The following SOAT1 variants were observed in gnomAD, a reference collection of about 807,000 sequenced individuals.
The protein encoded by SOAT1 is sterol O-acyltransferase 1.
A neutral mutation model predicts 69.5 loss-of-function variants in SOAT1; 55 were observed. The ratio of observed to expected loss-of-function variants is 0.79; its 90% CI spans 0.64 to 0.99. The LOEUF (loss-of-function observed/expected upper bound fraction) is 0.99. Ranked by LOEUF, SOAT1 falls within the 50% of genes least tolerant of loss-of-function variation. The pLI is 0.00. For synonymous variants in SOAT1, 231 were observed against 224.7 expected (o/e 1.03, Z -0.25); for missense variants, 580 against 669.3 (o/e 0.87, Z 1.47).
At chr1:179,335,699 G>GTA (rs749339940) in intron 4 of SOAT1, 42 bp downstream of exon 4, 1 of 1,541,264 alleles carries the variant, frequency 6.5e-7, no homozygotes, top group South Asian at 1.2e-5. Context: ...CATCTACTCA[G>GTA]TATAGTTCAA....
At chr1:179,350,039 T>G (rs1162485551) in intron 13 of SOAT1, among the ~76,000 whole-genome samples, 2 of 152,224 alleles carry the variant, frequency 1.3e-5, no homozygotes, top group Non-Finnish European at 2.9e-5. Context: ...AACTATGTTT[T>G]GTCAGTTGTA....
chr1:179,352,301 G>C (rs1666766939), intron 15 of SOAT1, among the ~76,000 whole-genome samples: 1 of 151,072 alleles, frequency 6.6e-6, no homozygotes, highest in African/African-American at 2.4e-5. Flanking sequence ...ATAGGACATA[G>C]GAATTTCCCA....
At position 179,344,352 on chromosome 1, in the gene SOAT1, G is replaced by GTTTTTTT. The variant is rs762911049; in HGVS notation, c.988-595_988-594insTTTTTTT. Among the ~76,000 whole-genome samples the GTTTTTTT allele has an allele frequency of 1.2e-3, 141 of 120,544 alleles. 43 individuals are homozygous for GTTTTTTT. The highest frequency in any genetic ancestry group is 4.4e-3 in the Middle Eastern group (1 of 228). 79.1% of individuals were successfully genotyped at this position (120,544 alleles called of 152,430 possible). ...TATGAAGTAAGTTCTTTCATTAAGG[G>GTTTTTTT]GTTTTTTTTTTTTTTTTTTTTTTTT... On this transcript the variant is annotated intron_variant, in intron 10 of 15. Transcript: ENST00000367619.
Position 179,350,344 on chromosome 1 carries a change from G to C in SOAT1, c.1363G>C (p.Val455Leu), listed in dbSNP as rs1285606875. The change falls in exon 14 of 16, where the codon GTA (valine) becomes CTA (leucine). Residue 455 changes from valine (V) to leucine (L), a missense_variant. By Grantham distance (32) the Val-to-Leu change is conservative (BLOSUM62 1). Coordinates refer to ENST00000367619, the MANE Select transcript of SOAT1 (RefSeq NM_003101.6). The stretch of plus-strand genomic sequence containing the variant: ...TGCTGCCATGTTAGCTGTCTTTGCT[G>C]TATCTGCTGTAGTACACGAATATGC... ...KSAAMLAVFA[V>L]SAVVHEYALA... 6.2e-7 allele frequency: 1 copy of C among 1,613,798 alleles called. No homozygotes were observed. The highest frequency in any genetic ancestry group is 2.2e-5 in the East Asian group (1 of 44,860).
At chr1:179,338,802 A>C (rs1335841670) in intron 5 of SOAT1, among the ~76,000 whole-genome samples, 2 of 152,260 alleles carry the variant, frequency 1.3e-5, no homozygotes, top group East Asian at 3.9e-4. Context: ...GGCTTAGATG[A>C]GTTTTTATTA....
chr1:179,299,920 A>ATT (rs11371492), intron 1 of SOAT1, among the ~76,000 whole-genome samples: 15 of 138,562 alleles, frequency 1.1e-4, no homozygotes, highest in Middle Eastern at 3.6e-3. Context: ...TGCCCAGCTA[A>ATT]TTTTTTTTTT....
intron 2 of SOAT1, among the ~76,000 whole-genome samples, chr1:179,318,490 C>G (rs1335065251): frequency 1.3e-5 from 2 of 152,156 alleles, no homozygotes; most frequent in African/African-American, 4.8e-5. Context: ...CAGGAAATTA[C>G]ATTACTGTAA....
intron 2 of SOAT1, among the ~76,000 whole-genome samples, chr1:179,313,135 T>C (rs1298663321): frequency 6.6e-6 from 1 of 152,252 alleles, no homozygotes; most frequent in Non-Finnish European, 1.5e-5. Context: ...AGATTTACAG[T>C]AAACTTGGCC....
intron 2 of SOAT1, among the ~76,000 whole-genome samples, chr1:179,316,364 A>G (rs1383949684): frequency 1.3e-5 from 2 of 151,708 alleles, no homozygotes; most frequent in Non-Finnish European, 1.5e-5. Flanking sequence ...TGCGTCAGAC[A>G]GTTTCACTGT....
chr1:179,327,925 T>C (rs1665845549), intron 3 of SOAT1, among the ~76,000 whole-genome samples: 1 of 152,204 alleles, frequency 6.6e-6, no homozygotes. Flanking sequence ...AGTATGTATT[T>C]TTTATCTAAT....
At chr1:179,334,511 T>C (rs1048262524) in intron 3 of SOAT1, among the ~76,000 whole-genome samples, 2 of 152,144 alleles carry the variant, frequency 1.3e-5, no homozygotes, top group Non-Finnish European at 2.9e-5. Context: ...TGAAATTGTG[T>C]TGGCAAGCAG....
chr1:179,302,342 T>G (rs995524280), intron 1 of SOAT1, among the ~76,000 whole-genome samples: 1 of 152,230 alleles, frequency 6.6e-6, no homozygotes, highest in South Asian at 2.1e-4. Context: ...TCTCTAACTG[T>G]AATCACCACG....
chr1:179,323,893 C>CA (rs1553245578), intron 3 of SOAT1, among the ~76,000 whole-genome samples: 19 of 151,604 alleles, frequency 1.3e-4, no homozygotes, highest in East Asian at 5.8e-4. Context: ...AATAACAACT[C>CA]GAAAAAAAAT....
chr1:179,352,583 C>G (rs186771168), intron 15 of SOAT1, among the ~76,000 whole-genome samples: 3 of 152,270 alleles, frequency 2.0e-5, no homozygotes, highest in Non-Finnish European at 4.4e-5. Context: ...CTATTTGTCT[C>G]AAGTTCATCT....
chr1:179,295,317 C>A (rs948085758), intron 1 of SOAT1, among the ~76,000 whole-genome samples: 1 of 152,200 alleles, frequency 6.6e-6, no homozygotes, highest in African/African-American at 2.4e-5. Flanking sequence ...AACTCTTATA[C>A]CTGCCTCAGA....
intron 13 of SOAT1, 33 bp downstream of exon 13, chr1:179,348,975 T>C (rs556807647): frequency 1.5e-5 from 17 of 1,120,776 alleles, no homozygotes; most frequent in Non-Finnish European, 6.8e-6. Flanking sequence ...ATATTATTTA[T>C]GAAATGGAGA....
intron 1 of SOAT1, chr1:179,294,193 C>G (rs1384455482): frequency 3.9e-5 from 6 of 152,188 alleles, no homozygotes; most frequent in African/African-American, 1.4e-4. Context: ...CTCGTGGCAT[C>G]TCTCAAGTCA....
intron 3 of SOAT1, 122 bp downstream of exon 3, chr1:179,323,617 C>A: frequency 1.3e-6 from 1 of 783,052 alleles, no homozygotes. Flanking sequence ...TGCTGTTATC[C>A]TGTGGAACAA....
chr1:179,318,763 G>A (rs1273870126), intron 2 of SOAT1, among the ~76,000 whole-genome samples: 1 of 152,014 alleles, frequency 6.6e-6, no homozygotes, highest in African/African-American at 2.4e-5. Flanking sequence ...AAATGTTTAC[G>A]TTTCACCCAT....
Sources: allele counts gnomAD v4.1 joint callset (sites outside exome capture counted in the v4.1 genomes callset), GRCh38; gene constraint gnomAD v4.1.1; transcripts MANE v1.5; gene names NCBI Gene and HGNC (gene_info 2026-07-23, HGNC 2026-07-21).